The following CHN2 variants were observed in gnomAD, a reference collection of about 807,000 sequenced individuals.
The protein encoded by CHN2 is chimerin 2.
CHN2 carries 35 observed loss-of-function variants against 56.3 expected under a neutral mutation model. The observed-to-expected ratio is 0.62, with a 90% CI of 0.47 to 0.82. The LOEUF is 0.82. Among genes scored for constraint, CHN2 ranks in the 40% least tolerant of loss-of-function variants. The pLI, the probability that CHN2 is intolerant of heterozygous loss-of-function variation, is 0.00. For synonymous variants in CHN2, 210 were observed against 212.8 expected (o/e 0.99, Z 0.12); for missense variants, 491 against 580.5 (o/e 0.85, Z 1.58).
chr7:29,461,736 T>A (rs571459642), intron 6 of CHN2, among the ~76,000 whole-genome samples: 1 of 152,300 alleles, frequency 6.6e-6, no homozygotes, highest in African/African-American at 2.4e-5. Context: ...CAGAGCCTAA[T>A]ACAGAACCTG....
chr7:29,300,416 AG>A (rs1793570118), intron 1 of CHN2, among the ~76,000 whole-genome samples: 1 of 152,214 alleles, frequency 6.6e-6, no homozygotes, highest in Non-Finnish European at 1.5e-5. Context: ...AGGGTCAGGT[AG>A]TTCATTAGGG....
chr7:29,495,596 T>C (rs970002198), intron 7 of CHN2, among the ~76,000 whole-genome samples: 25 of 152,322 alleles, frequency 1.6e-4, no homozygotes, highest in African/African-American at 6.0e-4. Context: ...GAGTTCTGCC[T>C]TCCAGAACTT....
intron 8 of CHN2, among the ~76,000 whole-genome samples, chr7:29,498,203 A>G (rs1039880030): frequency 7.9e-5 from 12 of 152,352 alleles, no homozygotes; most frequent in African/African-American, 2.9e-4. Flanking sequence ...CATGTATACA[A>G]TACTTAACTA....
intron 6 of CHN2, among the ~76,000 whole-genome samples, chr7:29,411,841 C>A (rs1803244949): frequency 6.6e-6 from 1 of 152,146 alleles, no homozygotes; most frequent in Admixed American, 6.5e-5. Context: ...CTTCAGCCCG[C>A]CCCCGTCTCT....
intron 6 of CHN2, among the ~76,000 whole-genome samples, chr7:29,475,789 A>G (rs1435308756): frequency 2.6e-5 from 4 of 152,244 alleles, no homozygotes; most frequent in Non-Finnish European, 5.9e-5. Flanking sequence ...CAAAACCCAT[A>G]TATTGTACGA....
At chr7:29,434,142 A>C (rs1040848775) in intron 6 of CHN2, among the ~76,000 whole-genome samples, 8 of 152,192 alleles carry the variant, frequency 5.3e-5, no homozygotes, top group Non-Finnish European at 8.8e-5. Flanking sequence ...CTCACCAGGA[A>C]AGCCTATGCA....
chr7:29,274,400 G>A (rs988507882), intron 1 of CHN2, among the ~76,000 whole-genome samples: 2 of 152,218 alleles, frequency 1.3e-5, no homozygotes, highest in African/African-American at 4.8e-5. Flanking sequence ...TGAGCTTCCT[G>A]TTTCCAGTAC....
intron 6 of CHN2, among the ~76,000 whole-genome samples, chr7:29,471,758 G>T (rs1047794945): frequency 6.6e-6 from 1 of 152,158 alleles, no homozygotes; most frequent in Non-Finnish European, 1.5e-5. Context: ...GAGGTCAGCA[G>T]CAGTTTTAGG....
At chr7:29,324,150 A>G (rs1202102926) in intron 1 of CHN2, among the ~76,000 whole-genome samples, 1 of 152,192 alleles carries the variant, frequency 6.6e-6, no homozygotes, top group Non-Finnish European at 1.5e-5. Flanking sequence ...GTGTCAAGAC[A>G]TTCAAAACAC....
chr7:29,446,912 G>C (rs1031973458), intron 6 of CHN2, among the ~76,000 whole-genome samples: 13 of 152,132 alleles, frequency 8.5e-5, no homozygotes, highest in African/African-American at 3.1e-4. Flanking sequence ...TCAGGAGTGG[G>C]CCACACTTAG....
intron 7 of CHN2, among the ~76,000 whole-genome samples, chr7:29,495,111 T>C (rs573945322): frequency 3.2e-4 from 48 of 152,344 alleles, no homozygotes; most frequent in African/African-American, 1.1e-3. Flanking sequence ...ATAGACTGCC[T>C]ATGGTCATTT....
At chr7:29,369,374 T>C (rs1357361451) in intron 3 of CHN2, among the ~76,000 whole-genome samples, 1 of 152,176 alleles carries the variant, frequency 6.6e-6, no homozygotes, top group Non-Finnish European at 1.5e-5. Context: ...GAACTTGAAA[T>C]GCAAACAGAT....
chr7:29,237,910 A>G (rs998742294), intron 1 of CHN2, among the ~76,000 whole-genome samples: 5 of 151,880 alleles, frequency 3.3e-5, no homozygotes, highest in South Asian at 2.1e-4. Context: ...GAGCAGAACT[A>G]TCTTTCCTGC....
At chr7:29,355,772 ATTTTTTTTTTT>A (rs1167339692) in intron 2 of CHN2, among the ~76,000 whole-genome samples, 583 of 52,426 alleles carry the variant, frequency 0.011, 10 homozygotes, top group African/African-American at 0.028. Context: ...AGATGGGACT[ATTTTTTTTTTT>A]TTTTTTTTTT....
chr7:29,507,481 C>T (rs1157788652), intron 11 of CHN2, 116 bp downstream of exon 11: 1 of 763,226 alleles, frequency 1.3e-6, no homozygotes, highest in African/African-American at 1.8e-5. Context: ...CCTGTCTTGT[C>T]AAGTGAGGGC....
At chr7:29,420,911 G>A (rs1804275699) in intron 6 of CHN2, among the ~76,000 whole-genome samples, 1 of 151,640 alleles carries the variant, frequency 6.6e-6, no homozygotes, top group South Asian at 2.1e-4. Context: ...CCAGGTTCAA[G>A]CGATTCTTCT....
chr7:29,168,169 ATCT>A (rs1226953937), intron 2 of CHN2, among the ~76,000 whole-genome samples: 1 of 152,162 alleles, frequency 6.6e-6, no homozygotes, highest in Non-Finnish European at 1.5e-5. Flanking sequence ...GAGACTGCAC[ATCT>A]TCTGACGTTT....
chr7:29,150,586 A>C (rs1351371168), intron 2 of CHN2, among the ~76,000 whole-genome samples: 2 of 152,222 alleles, frequency 1.3e-5, no homozygotes, highest in African/African-American at 4.8e-5. Context: ...GGTAAATACA[A>C]TTCCAATTGT....
chr7:29,405,280 A>G (rs1476941504), intron 6 of CHN2, among the ~76,000 whole-genome samples: 1 of 151,158 alleles, frequency 6.6e-6, no homozygotes, highest in African/African-American at 2.4e-5. Flanking sequence ...CGATGCTGAT[A>G]GGACACTTTC....
Sources: gnomAD v4.1 joint callset for allele counts (sites outside exome capture counted in the v4.1 genomes callset) on GRCh38, gnomAD v4.1.1 for gene constraint, MANE v1.5 for transcripts, NCBI Gene and HGNC (gene_info 2026-07-23, HGNC 2026-07-21) for gene names.